Variants in RNF213 observed in about 807,000 individuals in gnomAD.
The protein encoded by RNF213 is ring finger protein 213.
RNF213 carries 341 observed loss-of-function variants against 514.4 expected under a neutral mutation model. The ratio of observed to expected loss-of-function variants is 0.66; its 90% confidence interval spans 0.61 to 0.73. The LOEUF (loss-of-function observed/expected upper bound fraction) is 0.73, where lower values mean the gene tolerates loss of function less well. RNF213 is among the 30% of genes least tolerant of loss of function. The pLI is 0.00. For missense variants in RNF213, 5,767 were observed against 6,615.6 expected (o/e 0.87, Z 4.45); for synonymous variants, 2,655 against 2,658.2 (o/e 1.00, Z 0.04).
chr17:80,343,100 T>C lies in RNF213; in HGVS notation c.5990-32T>C, dbSNP rs1201903881. 1 of 1,587,952 alleles carries C rather than the reference T, an allele frequency of 6.3e-7. No individual in the cohort carries two copies. The highest frequency in any genetic ancestry group is 1.3e-5 in the African/African-American group (1 of 74,422). ...TAGGATTACAGGTGTGAGCCACCAC[T>C]CCCAGCCCTAATTTCTGTATTAATG... is the stretch of plus-strand genomic sequence containing the variant. On this transcript the variant is annotated intron_variant, in intron 26 of 67. Transcript: ENST00000582970. The surrounding 1 kb of genome is among the most constrained non-coding windows in gnomAD (Gnocchi z 4.3).
Position 80,288,005 on chromosome 17 carries a change from C to T in RNF213, c.452C>T (p.Pro151Leu), listed in dbSNP as rs746910653. The T allele has an allele frequency of 1.1e-5, 17 of 1,590,772 alleles. No homozygotes were observed. Among genetic ancestry groups the T allele is most frequent in the Non-Finnish European group, 1.4e-5 (16 of 1,168,912 alleles). The change falls in exon 4 of 68, where the codon CCA becomes CTA. Residue 151 changes from proline to leucine, a missense_variant. Pro to Leu is a moderately conservative substitution (Grantham distance 98). Coordinates refer to ENST00000582970, the MANE Select transcript of RNF213 (RefSeq NM_001256071.3). This position sits in a 1 kb window ranked among gnomAD's most constrained non-coding sequence, Gnocchi z 4.9. ...CCCACTGGCCAGCCGAGCCAGCCCCCAGGCACAGCCACCACGCCACTGGAG... is the reference window on the plus strand; with the variant it reads ...CCCACTGGCCAGCCGAGCCAGCCCCTAGGCACAGCCACCACGCCACTGGAG... Reference protein sequence around the residue: ...SGPTGQPSQPPGTATTPLEGD... With the variant: ...SGPTGQPSQPLGTATTPLEGD...
At chr17:80,272,902 G>A (rs775818521) in intron 2 of RNF213, among the ~76,000 whole-genome samples, 2 of 152,170 alleles carry the variant, frequency 1.3e-5, no homozygotes, top group Admixed American at 6.5e-5. Flanking sequence ...GGAGGAAAGC[G>A]TAACAGGCTC....
intron 44 of RNF213, among the ~76,000 whole-genome samples, 171 bp from the exon 45 acceptor site, chr17:80,369,331 G>A (rs2079413760): frequency 6.6e-6 from 1 of 151,490 alleles, no homozygotes; most frequent in Non-Finnish European, 1.5e-5. Context: ...CTGGGAGGTG[G>A]AGGTTGCAGT....
rs1491022065 is a variant in RNF213 at position 80,264,725 on chromosome 17, A to AT, written c.97+947_97+948insT. ...AGCACAGCAGACAGTCAAACCACAG[A>AT]CCCCCTTACAAGATCCGCCCCTGCC... On this transcript the variant is annotated intron_variant, in intron 2 of 67. Coordinates refer to ENST00000582970, the MANE Select transcript of RNF213 (RefSeq NM_001256071.3). The surrounding 1 kb of genome is among the most constrained non-coding windows in gnomAD (Gnocchi z 5.0). Among the ~76,000 whole-genome samples the AT allele has an allele frequency of 2.3e-4, 35 of 151,112 alleles. No individual in the cohort carries two copies. The highest frequency in any genetic ancestry group is 4.1e-4 in the Non-Finnish European group (28 of 67,800).
chr17:80,313,779 A>ATGGTGGTGGTGG (rs1402872480), intron 15 of RNF213, among the ~76,000 whole-genome samples: 3 of 128,980 alleles, frequency 2.3e-5, no homozygotes, highest in Non-Finnish European at 5.0e-5. Context: ...ACTGGAGGTG[A>ATGGTGGTGGTGG]TGGTGGTGGT....
intron 11 of RNF213, chr17:80,298,848 A>G (rs1408626509): frequency 6.2e-6 from 2 of 323,334 alleles, no homozygotes; most frequent in Admixed American, 8.9e-5. Flanking sequence ...GTGTGGTGGC[A>G]TGTGCTTGTA....
Position 80,346,309 on chromosome 17 carries a change from C to T in RNF213, c.7974C>T (p.Leu2658=), listed in dbSNP as rs2078308890. The T allele has an allele frequency of 6.2e-7, 1 of 1,614,090 alleles. No homozygotes were observed. The highest frequency in any genetic ancestry group is 8.5e-7 in the Non-Finnish European group (1 of 1,180,044). The change falls in exon 29 of 68, where the codon CTC becomes CTT. Residue 2658 remains leucine, a synonymous_variant. Transcript: ENST00000582970. This position sits in a 1 kb window ranked among gnomAD's most constrained non-coding sequence, Gnocchi z 8.1. Reference sequence around the variant, plus strand: ...GGTTCCACGAGCACAGCGCGATGCTCTTAGCGCAGCTGAATGCCTTTCTCT... The same window carrying T: ...GGTTCCACGAGCACAGCGCGATGCTTTTAGCGCAGCTGAATGCCTTTCTCT... The part of the protein sequence containing the change: ...FRWFHEHSAM[L]LAQLNAFLSK...
chr17:80,335,781 GC>G, intron 22 of RNF213, among the ~76,000 whole-genome samples: 1 of 151,966 alleles, frequency 6.6e-6, no homozygotes, highest in Non-Finnish European at 1.5e-5. Flanking sequence ...TTGGAGACCA[GC>G]CTGACCAACA....
Position 80,353,128 on chromosome 17 carries a change from C to T in RNF213, c.10423+69C>T, listed in dbSNP as rs188307071. 1.0e-4 allele frequency: 164 copies of T among 1,594,502 alleles called. No homozygotes were observed. The highest frequency in any genetic ancestry group is 5.0e-4 in the Middle Eastern group (3 of 6,032). ...GGCAGATGGCAGGTGTGGAGCGTGG[C>T]GTGCACATGGCACTAGGAGCAGGGC... is the stretch of plus-strand genomic sequence containing the variant. On this transcript the variant is annotated intron_variant, in intron 33 of 67. Coordinates refer to ENST00000582970, the MANE Select transcript of RNF213 (RefSeq NM_001256071.3). The surrounding 1 kb of genome is among the most constrained non-coding windows in gnomAD (Gnocchi z 5.0).
At chr17:80,373,663 G>A (rs2079615801) in intron 49 of RNF213, among the ~76,000 whole-genome samples, 1 of 152,148 alleles carries the variant, frequency 6.6e-6, no homozygotes, top group African/African-American at 2.4e-5. Context: ...GGCAGAGACA[G>A]GCAAGAGCAA....
In RNF213 at chr17:80,348,175, G is replaced by C; in HGVS notation, c.9840G>C (p.Ala3280=). The C allele has an allele frequency of 6.2e-7, 1 of 1,613,950 alleles. No homozygotes were observed. The highest frequency in any genetic ancestry group is 8.5e-7 in the Non-Finnish European group (1 of 1,180,052). The change falls in exon 29 of 68, where the codon GCG becomes GCC. Residue 3280 remains alanine (A), a synonymous_variant. Coordinates refer to ENST00000582970, the MANE Select transcript of RNF213 (RefSeq NM_001256071.3). Reference sequence around the variant, plus strand: ...CCTACTCGCTGGGCGGGTTCGCAGCGGAGTGGCTGTCGCAGGAGTACTTTC... The same window carrying C: ...CCTACTCGCTGGGCGGGTTCGCAGCCGAGTGGCTGTCGCAGGAGTACTTTC... ...LSAYSLGGFA[A]EWLSQEYFHR... is the part of the protein sequence containing the mutation.
chr17:80,376,104 A>G lies in RNF213; in HGVS notation c.13186-197A>G, dbSNP rs78697648. Among the ~76,000 whole-genome samples the G allele has an allele frequency of 8.0e-3, 1,223 of 152,362 alleles. 20 individuals carry two copies. Among genetic ancestry groups the G allele is most frequent in the African/African-American group, 0.028 (1,160 of 41,580 alleles). On this transcript the variant is annotated intron_variant, in intron 51 of 67. Transcript: ENST00000582970. ...ATAATGTTTAACAGAATAGAATATC[A>G]AAATTAATGCTTACGTATGTGGATG...
Position 80,353,315 on chromosome 17 carries a change from G to T in RNF213, c.10424-197G>T, listed in dbSNP as rs2078600971. The T allele has an allele frequency of 7.6e-6, 6 of 793,120 alleles. No homozygotes were observed. The highest frequency in any genetic ancestry group is 1.0e-5 in the Non-Finnish European group (5 of 483,802). 49.1% of individuals were successfully genotyped at this position (793,120 alleles called of 1,614,324 possible). On this transcript the variant is annotated intron_variant, in intron 33 of 67. Transcript: ENST00000582970. This position sits in a 1 kb window ranked among gnomAD's most constrained non-coding sequence, Gnocchi z 5.0. ...AAGTGAGCACCTAGAACACGCCAGA[G>T]CCCAGGCTGGAAGGAAGGGGCTGCC...
At position 80,291,619 on chromosome 17, in the gene RNF213, C is replaced by T. The variant is rs760516407; in HGVS notation, c.1272-9C>T. 2 of 1,614,054 alleles carry T rather than the reference C, an allele frequency of 1.2e-6. No individual in the cohort carries two copies. Among genetic ancestry groups the T allele is most frequent in the Non-Finnish European group, 1.7e-6 (2 of 1,179,914 alleles). The stretch of plus-strand genomic sequence containing the variant: ...TTTGGATAGCCAACCGTATCCTGTT[C>T]ATTCACAGAGACTTGGGTCATGACC... On this transcript the variant is annotated splice_polypyrimidine_tract_variant and intron_variant, in intron 7 of 67. Transcript: ENST00000582970.
Position 80,346,381 on chromosome 17 carries a change from C to T in RNF213, c.8046C>T (p.Leu2682=), listed in dbSNP as rs1321457243. 1.2e-6 allele frequency: 2 copies of T among 1,613,410 alleles called. No individual in the cohort carries two copies. The highest frequency in any genetic ancestry group is 1.1e-5 in the South Asian group (1 of 91,064). ...ATCACACCGAGAGAGATCCCGTCCTCTGGTCGTTGATGCTGGCCATCGGGG... is the reference window on the plus strand; with the variant it reads ...ATCACACCGAGAGAGATCCCGTCCTTTGGTCGTTGATGCTGGCCATCGGGG... ...SKNHTERDPV[L]WSLMLAIGVC... Residue 2682 remains leucine, a synonymous_variant, in exon 29 of 68, where the codon CTC becomes CTT. Transcript: ENST00000582970. The surrounding 1 kb of genome is among the most constrained non-coding windows in gnomAD (Gnocchi z 8.1).
In RNF213 at chr17:80,287,879, C is replaced by T. The variant is rs374918813; in HGVS notation, c.326C>T (p.Ser109Phe). ...GNKSASSELA[S>F]LPLSPASPCH... ...AAGTCCGCTTCCTCAGAGCTGGCTT[C>T]CTTGCCCCTTTCTCCTGCCAGCCCC... Residue 109 changes from serine to phenylalanine, a missense_variant, in exon 4 of 68, where the codon TCC becomes TTC. This residue lies in a region of RNF213 where 509 missense variants were observed against 496.7 expected (regional missense o/e 1.02). Transcript: ENST00000582970. 3.8e-5 allele frequency: 60 copies of T among 1,592,844 alleles called. No individual in the cohort carries two copies. In the Admixed American group the frequency reaches 4.2e-4, roughly 11 times the overall value.
intron 3 of RNF213, chr17:80,278,968 G>C: frequency 6.5e-7 from 1 of 1,528,664 alleles, no homozygotes; most frequent in Non-Finnish European, 8.8e-7. Flanking sequence ...TGCTGGCACA[G>C]CCTGGCACGG....
chr17:80,331,726 G>A (rs114349828), intron 20 of RNF213, among the ~76,000 whole-genome samples: 3,821 of 152,288 alleles, frequency 0.025, 173 homozygotes, highest in African/African-American at 0.087. Context: ...TTTATGTTCT[G>A]TCATTGGAGT....
At chr17:80,297,898 A>T (rs2045019817) in intron 10 of RNF213, among the ~76,000 whole-genome samples, 1 of 152,080 alleles carries the variant, frequency 6.6e-6, no homozygotes, top group South Asian at 2.1e-4. Context: ...TCGAGGTTAT[A>T]ATGATCGCAC....
Sources: allele counts gnomAD v4.1 joint callset (sites outside exome capture counted in the v4.1 genomes callset), GRCh38; gene constraint gnomAD v4.1.1; regional missense constraint gnomAD v4.1.1; non-coding constraint Gnocchi (gnomAD v3.1); transcripts MANE v1.5; gene names NCBI Gene and HGNC (gene_info 2026-07-23, HGNC 2026-07-21).